ABR: variants seen among roughly 807,000 people sequenced by gnomAD.
ABR encodes active breakpoint cluster region-related protein.
Under a neutral mutation model 107.2 loss-of-function variants are expected in ABR, and 35 were observed. The ratio of observed to expected loss-of-function variants is 0.33; its 90% CI spans 0.25 to 0.43. ABR has a LOEUF of 0.43. Among genes scored for constraint, ABR ranks in the 20% least tolerant of loss-of-function variants. The probability of loss-of-function intolerance (pLI) is 1.00; values close to 1 mark genes in which losing one functional copy is unlikely to be tolerated. For missense variants in ABR, 815 were observed against 1,115.2 expected, an observed-to-expected ratio of 0.73 and a Z score of 3.83; for synonymous variants, 498 against 462.0, an observed-to-expected ratio of 1.08 and a Z score of -1.00.
intron 1 of ABR, among the ~76,000 whole-genome samples, chr17:1,175,275 G>C (rs1240978640): frequency 6.6e-6 from 1 of 152,166 alleles, no homozygotes; most frequent in Non-Finnish European, 1.5e-5. Context: ...AGCCGGGTGT[G>C]GTGGCGGGCA....
At position 1,178,380 on chromosome 17, in the gene ABR, T is replaced by C. The variant is rs1359367800; in HGVS notation, c.61+1287A>G. Among the ~76,000 whole-genome samples the C allele has an allele frequency of 2.0e-5, 3 of 152,000 alleles. No individual in the cohort carries two copies. The South Asian group carries it at 6.2e-4, about 32-fold the overall frequency. ...GGAGTTTGAGACCAGCCTGGCCTCA[T>C]GGTGAAACCCCATCTCTACTAAAAA... On this transcript the variant is annotated intron_variant, in intron 1 of 22. Coordinates refer to ENST00000302538, the MANE Select transcript of ABR (RefSeq NM_021962.5).
chr17:1,033,576 C>T (rs2072962339), intron 16 of ABR, among the ~76,000 whole-genome samples: 1 of 152,222 alleles, frequency 6.6e-6, no homozygotes, highest in Non-Finnish European at 1.5e-5. Context: ...GGAGGGGGGC[C>T]TTGGGGCGTC....
upstream of ABR, among the ~76,000 whole-genome samples, chr17:1,192,168 A>AGTCTCG (rs149083258): frequency 0.056 from 8,565 of 151,946 alleles, 798 homozygotes; most frequent in African/African-American, 0.2. Flanking sequence ...GTAGAGCCAG[A>AGTCTCG]GTCTCACTAT....
At chr17:1,109,154 A>AG (rs933922928) in intron 2 of ABR, 65 of 476,870 alleles carry the variant, frequency 1.4e-4, no homozygotes, top group Non-Finnish European at 2.0e-4. Context: ...GGCGGGCGGG[A>AG]GGGGGGGCAG....
chr17:1,018,629 A>G (rs1030933863), intron 16 of ABR, among the ~76,000 whole-genome samples: 2 of 152,108 alleles, frequency 1.3e-5, no homozygotes, highest in Non-Finnish European at 2.9e-5. Flanking sequence ...CAGGATTTGG[A>G]GGCAGGCTGA....
At chr17:1,217,964 G>T (rs1420232142) in intron 1 of ABR, among the ~76,000 whole-genome samples, 3 of 152,102 alleles carry the variant, frequency 2.0e-5, no homozygotes, top group Non-Finnish European at 2.9e-5. Context: ...CAAAGTGCTG[G>T]CATTACAGGA....
intron 10 of ABR, among the ~76,000 whole-genome samples, chr17:1,063,137 ATGTGAACTGAGGGCTATG>A (rs1405950973): frequency 7.3e-6 from 1 of 136,244 alleles, no homozygotes; most frequent in Non-Finnish European, 1.6e-5. Context: ...CACTGTTGTT[ATGTGAACTGAGGGCTATG>A]CATGTTCCTC....
exon 1 of ABR, among the ~76,000 whole-genome samples, chr17:1,229,647 G>A (rs948169022): frequency 1.4e-4 from 22 of 151,964 alleles, no homozygotes; most frequent in African/African-American, 5.3e-4. Flanking sequence ...AGCTCCGTCC[G>A]CGCCGACCCT....
At chr17:1,108,855 G>T (rs2038447012) in intron 2 of ABR, 2 of 1,435,102 alleles carry the variant, frequency 1.4e-6, no homozygotes, top group Non-Finnish European at 1.8e-6. Flanking sequence ...CTCTGCGCCC[G>T]CATCAGCCAT....
intron 1 of ABR, among the ~76,000 whole-genome samples, chr17:1,141,737 G>T (rs989445225): frequency 2.6e-5 from 4 of 151,908 alleles, no homozygotes; most frequent in African/African-American, 4.8e-5. Flanking sequence ...TTCAGCACAG[G>T]CTGGTGGACT....
At chr17:1,016,098 T>C (rs2071133611) in intron 16 of ABR, among the ~76,000 whole-genome samples, 1 of 152,210 alleles carries the variant, frequency 6.6e-6, no homozygotes, top group Non-Finnish European at 1.5e-5. Context: ...AAGAGTTTTA[T>C]CACAGCCGCG....
chr17:1,006,591 CAT>C (rs1328271819), intron 22 of ABR, among the ~76,000 whole-genome samples: 17 of 152,294 alleles, frequency 1.1e-4, no homozygotes, highest in East Asian at 1.9e-4. Flanking sequence ...TCTAGGCTCA[CAT>C]GTTTGTTTTG....
chr17:1,185,499 G>A (rs1006132298), intron 1 of ABR, among the ~76,000 whole-genome samples: 5 of 151,792 alleles, frequency 3.3e-5, no homozygotes, highest in Admixed American at 3.3e-4. Flanking sequence ...ACAAAAATTA[G>A]CTGGGCGTGG....
At chr17:1,056,836 C>T (rs549752636) in intron 13 of ABR, among the ~76,000 whole-genome samples, 162 bp downstream of exon 13, 2 of 152,360 alleles carry the variant, frequency 1.3e-5, no homozygotes, top group African/African-American at 4.8e-5. Context: ...AGTAGACAGT[C>T]ACCCCTACCC....
intron 1 of ABR, among the ~76,000 whole-genome samples, chr17:1,138,901 CATT>C (rs1175146737): frequency 6.6e-6 from 1 of 152,200 alleles, no homozygotes; most frequent in Non-Finnish European, 1.5e-5. Context: ...AGTGGATTTG[CATT>C]TAAAAAGCTT....
chr17:1,153,080 A>ATT, intron 1 of ABR, among the ~76,000 whole-genome samples: 1 of 152,232 alleles, frequency 6.6e-6, no homozygotes, highest in East Asian at 1.9e-4. Flanking sequence ...TAAAAAAAAA[A>ATT]TTTTTGACAC....
chr17:1,040,442 T>G lies in ABR; in HGVS notation c.1791+9608A>C, dbSNP rs144345757. ...AGCTCAGAGCTGCCGTGCTGGGTCA[T>G]GGCAGGGAAACCTCGGGCCAGCCGG... On this transcript the variant is annotated intron_variant, in intron 16 of 22. Transcript: ENST00000302538. Among the ~76,000 whole-genome samples, 276 of 152,360 alleles carry G rather than the reference T, an allele frequency of 1.8e-3. 1 individual carries two copies. In the Middle Eastern group the frequency reaches 0.027, roughly 15 times the overall value.
At chr17:1,192,837 T>G (rs1362220897) in intron 1 of ABR, among the ~76,000 whole-genome samples, 5 of 151,854 alleles carry the variant, frequency 3.3e-5, no homozygotes, top group Non-Finnish European at 7.4e-5. Context: ...TCACCTGAGG[T>G]TGGGAGTTTG....
At chr17:1,176,810 G>C (rs909570852) in intron 1 of ABR, among the ~76,000 whole-genome samples, 6 of 151,018 alleles carry the variant, frequency 4.0e-5, no homozygotes, top group African/African-American at 1.5e-4. Context: ...TCGCACCACT[G>C]CACTCCAGCC....
Sources: allele counts gnomAD v4.1 joint callset (sites outside exome capture counted in the v4.1 genomes callset), GRCh38; gene constraint gnomAD v4.1.1; transcripts MANE v1.5; gene names NCBI Gene and HGNC (gene_info 2026-07-23, HGNC 2026-07-21).